DCC: variants seen among roughly 807,000 people sequenced by gnomAD.
DCC encodes the protein netrin receptor DCC.
In DCC, 58 loss-of-function variants were observed where a neutral mutation model predicts 172.5. The observed-to-expected ratio is 0.34, with a 90% CI of 0.27 to 0.42. The LOEUF is 0.42. Ranked by LOEUF, DCC falls within the 10% of genes least tolerant of loss-of-function variation. The pLI is 1.00. For missense variants in DCC, 1,740 were observed against 1,791.0 expected, an observed-to-expected ratio of 0.97 and a Z score of 0.51; for synonymous variants, 709 against 644.5, an observed-to-expected ratio of 1.10 and a Z score of -1.52.
intron 22 of DCC, among the ~76,000 whole-genome samples, chr18:53,445,778 T>C (rs1269119430): frequency 6.6e-6 from 1 of 151,942 alleles, no homozygotes; most frequent in African/African-American, 2.4e-5. Flanking sequence ...TCAAACATCA[T>C]GGAAATAAAA....
rs2056253148 is a variant in DCC at position 53,239,246 on chromosome 18, C to G, written c.1911+23649C>G. On this transcript the variant is annotated intron_variant, in intron 12 of 28. Transcript: ENST00000442544. The stretch of plus-strand genomic sequence containing the variant: ...AAAAATGAAAAAAAAAAAACTCCAG[C>G]AAAGTCCATTACTGTTCTCCATTTT... Among the ~76,000 whole-genome samples, 3 of 146,914 alleles carry G rather than the reference C, an allele frequency of 2.0e-5. No homozygotes were observed. In the South Asian group the frequency reaches 6.6e-4, roughly 32 times the overall value.
intron 1 of DCC, among the ~76,000 whole-genome samples, chr18:52,369,718 G>A (rs187897415): frequency 2.6e-5 from 4 of 151,952 alleles, no homozygotes; most frequent in South Asian, 2.1e-4. Flanking sequence ...TAACTCAAAG[G>A]TGATGTTACT....
intron 5 of DCC, among the ~76,000 whole-genome samples, chr18:52,961,773 G>C (rs2145569369): frequency 6.6e-6 from 1 of 152,226 alleles, no homozygotes; most frequent in South Asian, 2.1e-4. Flanking sequence ...TAGATCAATG[G>C]AACAGAACAG....
intron 5 of DCC, among the ~76,000 whole-genome samples, chr18:52,989,518 C>T (rs577227840): frequency 4.6e-5 from 7 of 152,126 alleles, no homozygotes; most frequent in Admixed American, 1.3e-4. Context: ...AGGGAGACTC[C>T]GTCTCAAAGA....
chr18:53,377,351 T>G (rs1309862422), intron 15 of DCC, among the ~76,000 whole-genome samples: 1 of 62,200 alleles, frequency 1.6e-5, no homozygotes, highest in African/African-American at 5.1e-5. Context: ...AAAGATGCAT[T>G]TGAGAGAGAG....
At chr18:52,646,036 T>C (rs9947543) in intron 1 of DCC, among the ~76,000 whole-genome samples, 144,133 of 152,216 alleles carry the variant, frequency 0.95, 68,734 homozygotes, top group East Asian at 1. Context: ...TTAGTTTGCA[T>C]GATGACATAC....
At chr18:52,748,063 C>A (rs1020988547) in intron 1 of DCC, among the ~76,000 whole-genome samples, 4 of 152,174 alleles carry the variant, frequency 2.6e-5, no homozygotes, top group African/African-American at 9.6e-5. Flanking sequence ...CCCACGCCCA[C>A]CATAGGCGTG....
chr18:52,467,838 A>G (rs1259100719), intron 1 of DCC, among the ~76,000 whole-genome samples: 1 of 152,056 alleles, frequency 6.6e-6, no homozygotes, highest in Non-Finnish European at 1.5e-5. Context: ...TGGCCGCATA[A>G]ATGTCTTCTT....
At chr18:53,115,039 A>G (rs2043389998) in intron 7 of DCC, among the ~76,000 whole-genome samples, 1 of 151,600 alleles carries the variant, frequency 6.6e-6, no homozygotes, top group South Asian at 2.1e-4. Flanking sequence ...TTTCTTCAAG[A>G]AGGCCTTCCA....
At chr18:52,680,242 G>T (rs545448312) in intron 1 of DCC, among the ~76,000 whole-genome samples, 1 of 152,082 alleles carries the variant, frequency 6.6e-6, no homozygotes, top group Admixed American at 6.6e-5. Flanking sequence ...AGAGCATAGC[G>T]AGAGTGTTTG....
At chr18:52,813,254 TG>T (rs1487927215) in intron 2 of DCC, among the ~76,000 whole-genome samples, 1 of 152,240 alleles carries the variant, frequency 6.6e-6, no homozygotes, top group African/African-American at 2.4e-5. Flanking sequence ...AAATGCCACA[TG>T]AATATGAATC....
intron 5 of DCC, among the ~76,000 whole-genome samples, chr18:53,054,360 A>T (rs1327308770): frequency 6.6e-6 from 1 of 152,088 alleles, no homozygotes; most frequent in Non-Finnish European, 1.5e-5. Flanking sequence ...AAATATAAAT[A>T]TGTGTGTATA....
intron 2 of DCC, among the ~76,000 whole-genome samples, chr18:52,752,728 A>G (rs2037017325): frequency 6.6e-6 from 1 of 152,154 alleles, no homozygotes. Context: ...GTGCCCTTTG[A>G]CAAACATCTT....
chr18:53,279,649 A>T (rs972884141), intron 12 of DCC, among the ~76,000 whole-genome samples: 36 of 8,430 alleles, frequency 4.3e-3, no homozygotes, highest in Non-Finnish European at 0.018. Flanking sequence ...AAGTATAATA[A>T]AAAAAAAAAA....
chr18:53,154,931 G>A (rs977321699), intron 7 of DCC, among the ~76,000 whole-genome samples: 1 of 152,142 alleles, frequency 6.6e-6, no homozygotes, highest in South Asian at 2.1e-4. Context: ...CCATCCCCAG[G>A]CATCAATCTT....
chr18:53,507,132 A>T (rs968074257), intron 27 of DCC, among the ~76,000 whole-genome samples: 1 of 151,968 alleles, frequency 6.6e-6, no homozygotes, highest in Admixed American at 6.5e-5. Context: ...TTTAATTTGA[A>T]TATTTTGAGA....
chr18:52,344,102 G>T (rs1195747708), intron 1 of DCC, among the ~76,000 whole-genome samples: 1 of 152,240 alleles, frequency 6.6e-6, no homozygotes, highest in Admixed American at 6.5e-5. Context: ...ATGCTGATAG[G>T]CATTTTTTTC....
At chr18:52,674,700 A>G (rs1464459909) in intron 1 of DCC, among the ~76,000 whole-genome samples, 2 of 152,224 alleles carry the variant, frequency 1.3e-5, no homozygotes, top group Non-Finnish European at 2.9e-5. Flanking sequence ...GTAGAACCCA[A>G]ATAAATCCTA....
At chr18:53,090,724 A>AAT in intron 7 of DCC, among the ~76,000 whole-genome samples, 1 of 136,872 alleles carries the variant, frequency 7.3e-6, no homozygotes, top group African/African-American at 2.6e-5. Context: ...AAAAAAAAAA[A>AAT]AAAAAAAAAA....
Sources: allele counts gnomAD v4.1 joint callset (sites outside exome capture counted in the v4.1 genomes callset), GRCh38; gene constraint gnomAD v4.1.1; transcripts MANE v1.5; gene names NCBI Gene and HGNC (gene_info 2026-07-23, HGNC 2026-07-21).